NAALADL2: variants seen among roughly 807,000 people sequenced by gnomAD.
The protein encoded by NAALADL2 is N-acetylated alpha-linked acidic dipeptidase like 2.
A neutral mutation model predicts 87.2 loss-of-function variants in NAALADL2; 76 were observed. That is an observed-to-expected ratio of 0.87 (90% confidence interval 0.72 to 1.05). NAALADL2 has a LOEUF of 1.05. NAALADL2 is among the 50% of genes least tolerant of loss of function. NAALADL2 has a pLI of 0.00. For missense variants in NAALADL2, 1,089 were observed against 945.8 expected (o/e 1.15, Z -1.99); for synonymous variants, 354 against 331.0 (o/e 1.07, Z -0.75).
chr3:175,319,601 T>C (rs932962398), intron 4 of NAALADL2, among the ~76,000 whole-genome samples: 1 of 152,030 alleles, frequency 6.6e-6, no homozygotes, highest in Non-Finnish European at 1.5e-5. Context: ...GGCAATATCA[T>C]TTGGGGTCAG....
At chr3:174,995,942 A>C (rs935991703) in intron 1 of NAALADL2, among the ~76,000 whole-genome samples, 2 of 152,186 alleles carry the variant, frequency 1.3e-5, no homozygotes, top group Admixed American at 1.3e-4. Flanking sequence ...AGACAGTTTC[A>C]CTTACTATGT....
intron 2 of NAALADL2, among the ~76,000 whole-genome samples, chr3:175,123,012 C>T (rs930705490): frequency 6.6e-6 from 1 of 151,832 alleles, no homozygotes; most frequent in Non-Finnish European, 1.5e-5. Context: ...TGATAATGAA[C>T]CCATTTTCAT....
At chr3:174,931,722 G>T (rs1247830670) in intron 1 of NAALADL2, among the ~76,000 whole-genome samples, 1 of 152,172 alleles carries the variant, frequency 6.6e-6, no homozygotes, top group East Asian at 1.9e-4. Context: ...TATTTAAAAA[G>T]TGTCTGGGAT....
At chr3:175,112,522 A>C (rs1438609989) in intron 2 of NAALADL2, 1 of 151,676 alleles carries the variant, frequency 6.6e-6, no homozygotes, top group Non-Finnish European at 1.5e-5. Flanking sequence ...CTCTGTCATG[A>C]CATTAGCTAG....
Position 174,949,067 on chromosome 3 carries a change from T to C in NAALADL2, c.43+89617T>C, listed in dbSNP as rs143218305. ...CTTCTTTTATAAAGACACAAATTCCTTTTATGAGTTCTCTACCCTCTTGAC... is the reference window on the plus strand; with the variant it reads ...CTTCTTTTATAAAGACACAAATTCCCTTTATGAGTTCTCTACCCTCTTGAC... On this transcript the variant is annotated intron_variant, in intron 1 of 13. Coordinates refer to ENST00000454872, the MANE Select transcript of NAALADL2 (RefSeq NM_207015.3). Among the ~76,000 whole-genome samples the C allele has an allele frequency of 2.6e-5, 4 of 152,258 alleles. 1 individual carries two copies. The highest frequency in any genetic ancestry group is 2.6e-4 in the Admixed American group (4 of 15,280).
chr3:175,259,765 C>T (rs927485678), intron 4 of NAALADL2, among the ~76,000 whole-genome samples: 2 of 152,060 alleles, frequency 1.3e-5, no homozygotes, highest in African/African-American at 4.8e-5. Flanking sequence ...CTAACCTGGC[C>T]GGTCATGGTG....
rs565418324 is a variant in NAALADL2 at position 175,743,679 on chromosome 3, C to T, written c.1990+6280C>T. Reference sequence around the variant, plus strand: ...GAAGGGTAGTGAAAAGGAGGTAGGACCAATAGACTTCATGTCATAGTGAGA... The same window carrying T: ...GAAGGGTAGTGAAAAGGAGGTAGGATCAATAGACTTCATGTCATAGTGAGA... On this transcript the variant is annotated intron_variant, in intron 12 of 13. Transcript: ENST00000454872. Among the ~76,000 whole-genome samples, 5 of 152,208 alleles carry T rather than the reference C, an allele frequency of 3.3e-5. No homozygotes were observed. In the South Asian group the frequency reaches 1.0e-3, roughly 32 times the overall value.
At chr3:174,537,139 G>A (rs560183002) in intron 1 of NAALADL2, among the ~76,000 whole-genome samples, 1 of 152,230 alleles carries the variant, frequency 6.6e-6, no homozygotes, top group East Asian at 1.9e-4. Context: ...GACTTACACT[G>A]AGCCATATGC....
intron 9 of NAALADL2, among the ~76,000 whole-genome samples, chr3:175,549,154 T>TGC (rs1553920299): frequency 4.0e-5 from 1 of 25,186 alleles, no homozygotes; most frequent in Admixed American, 6.7e-4. Context: ...TATTTTCCCT[T>TGC]GCATTGTTTT....
intron 1 of NAALADL2, among the ~76,000 whole-genome samples, chr3:175,017,349 C>A (rs1362675132): frequency 6.6e-6 from 1 of 152,122 alleles, no homozygotes; most frequent in Non-Finnish European, 1.5e-5. Context: ...CGAATCTTCA[C>A]AACCATCCTT....
rs528705254 is a variant in NAALADL2 at position 174,803,849 on chromosome 3, A to G, written c.-9+66103A>G. ...CCTATATATCTGTTTTGGTCCCAGT[A>G]CCATGCTGTTTTGTTTACTGTAGCC... is the stretch of plus-strand genomic sequence containing the variant. On this transcript the variant is annotated intron_variant, in intron 3 of 3. Coordinates refer to the NAALADL2 transcript ENST00000434257. Among the ~76,000 whole-genome samples the G allele has an allele frequency of 1.4e-4, 22 of 152,260 alleles. No individual in the cohort carries two copies. In the East Asian group the frequency reaches 4.2e-3, roughly 29 times the overall value.
At chr3:175,465,734 A>G (rs60890738) in intron 7 of NAALADL2, among the ~76,000 whole-genome samples, 21,887 of 152,066 alleles carry the variant, frequency 0.14, 2,600 homozygotes, top group African/African-American at 0.33. Flanking sequence ...GCCTCCCAAA[A>G]TACCGGGATT....
intron 4 of NAALADL2, among the ~76,000 whole-genome samples, chr3:175,312,858 G>T (rs1758560334): frequency 1.3e-5 from 2 of 152,182 alleles, no homozygotes; most frequent in Admixed American, 6.5e-5. Context: ...ACCTAAAGTT[G>T]ACTCAAAGAT....
chr3:175,638,498 A>G (rs534044684), intron 11 of NAALADL2, among the ~76,000 whole-genome samples: 1 of 152,128 alleles, frequency 6.6e-6, no homozygotes, highest in African/African-American at 2.4e-5. Context: ...AACCTGTTTG[A>G]CTCCAAGTTT....
At chr3:174,522,600 T>C (rs1292813880) in intron 1 of NAALADL2, among the ~76,000 whole-genome samples, 1 of 151,622 alleles carries the variant, frequency 6.6e-6, no homozygotes, top group Non-Finnish European at 1.5e-5. Flanking sequence ...GATCACACCA[T>C]TGCAGTCCAG....
chr3:175,272,608 A>G (rs1030439900), intron 4 of NAALADL2, among the ~76,000 whole-genome samples: 2 of 152,194 alleles, frequency 1.3e-5, no homozygotes, highest in African/African-American at 4.8e-5. Flanking sequence ...GAGGTTTGAG[A>G]GGCTCACTTA....
At chr3:174,560,600 T>A (rs1713479999) in intron 2 of NAALADL2, among the ~76,000 whole-genome samples, 1 of 152,126 alleles carries the variant, frequency 6.6e-6, no homozygotes, top group Non-Finnish European at 1.5e-5. Flanking sequence ...CTGTGAAAAA[T>A]TCTTTATTTT....
intron 3 of NAALADL2, among the ~76,000 whole-genome samples, chr3:174,803,652 T>C (rs1053357871): frequency 6.6e-6 from 1 of 152,178 alleles, no homozygotes; most frequent in South Asian, 2.1e-4. Flanking sequence ...TTGTATAAGG[T>C]GTAAGGAAGG....
At chr3:174,848,122 A>G (rs1205056690) in intron 3 of NAALADL2, among the ~76,000 whole-genome samples, 2 of 152,106 alleles carry the variant, frequency 1.3e-5, no homozygotes, top group Non-Finnish European at 2.9e-5. Context: ...TATTTATTAA[A>G]AACAATTAAG....
Sources: allele counts gnomAD v4.1 joint callset (sites outside exome capture counted in the v4.1 genomes callset), GRCh38; gene constraint gnomAD v4.1.1; transcripts MANE v1.5; gene names NCBI Gene and HGNC (gene_info 2026-07-23, HGNC 2026-07-21).